SUSD1: variants seen among roughly 807,000 people sequenced by gnomAD.
SUSD1 encodes sushi domain-containing protein 1.
SUSD1 carries 65 observed loss-of-function variants against 86.9 expected under a neutral mutation model. The observed-to-expected ratio is 0.75, with a 90% CI of 0.61 to 0.92. SUSD1 has a LOEUF of 0.92. Ranked by LOEUF, SUSD1 falls within the 40% of genes least tolerant of loss-of-function variation. The pLI is 0.00. For synonymous variants in SUSD1, 346 were observed against 350.0 expected (o/e 0.99, Z 0.13); for missense variants, 850 against 929.7 (o/e 0.91, Z 1.11).
In SUSD1 at chr9:112,058,622, C is replaced by A. The variant is rs377416608; in HGVS notation, c.1915G>T (p.Ala639Ser). The A allele has an allele frequency of 4.3e-6, 7 of 1,614,120 alleles. No individual in the cohort carries two copies. The Middle Eastern group carries it at 4.9e-4, about 114-fold the overall frequency. Residue 639 changes from alanine (A) to serine (S), a missense_variant, in exon 14 of 17, where the codon GCT (alanine) becomes TCT (serine). By Grantham distance (99) the Ala-to-Ser change is moderately conservative. Coordinates refer to ENST00000374270, the MANE Select transcript of SUSD1 (RefSeq NM_022486.5). ...QSTFSCDSEG[A>S]SSFFSNASDA... The stretch of plus-strand genomic sequence containing the variant: ...GAGGCGTTGCTAAAGAAGGAGGAAG[C>A]GCCTTCAGAATCACAAGAAAATGTG...
At chr9:112,173,932 G>C (rs544822235) in intron 1 of SUSD1, 67 of 258,044 alleles carry the variant, frequency 2.6e-4, no homozygotes, top group Non-Finnish European at 7.6e-6. Flanking sequence ...TGCCATTTTC[G>C]GGACTGGTTG....
chr9:112,114,566 G>A (rs7849584), intron 6 of SUSD1, among the ~76,000 whole-genome samples: 19,274 of 152,152 alleles, frequency 0.13, 1,361 homozygotes, highest in Admixed American at 0.17. Context: ...TTGTCCTCAT[G>A]TCACCAAAAA....
At chr9:112,149,130 A>G in intron 3 of SUSD1, 114 bp downstream of exon 3, 1 of 1,397,688 alleles carries the variant, frequency 7.2e-7, no homozygotes, top group Non-Finnish European at 9.9e-7. Context: ...ATACCACAAT[A>G]CCATTATGCC....
chr9:112,086,566 GAGA>G (rs1829993075), intron 10 of SUSD1, among the ~76,000 whole-genome samples: 1 of 137,090 alleles, frequency 7.3e-6, no homozygotes, highest in Non-Finnish European at 1.6e-5. Context: ...AAGAAAGAGA[GAGA>G]GAGAGAGAGA....
At position 112,063,020 on chromosome 9, in the gene SUSD1, C is replaced by T. The variant is rs746546294; in HGVS notation, c.1767G>A (p.Pro589=). The change falls in exon 13 of 17, where the codon CCG becomes CCA. Residue 589 remains proline, a synonymous_variant. Coordinates refer to ENST00000374270, the MANE Select transcript of SUSD1 (RefSeq NM_022486.5). ...LTTQITEPPL[P]EVEFFTVHRG... is the part of the protein sequence containing the mutation. ...TGTGCACCGTAAAAAATTCTACTTC[C>T]GGGAGGGGAGGCTCTGAAAACATGT... 29 of 1,611,464 alleles carry T rather than the reference C, an allele frequency of 1.8e-5. No homozygotes were observed. Among genetic ancestry groups the T allele is most frequent in the Middle Eastern group, 1.6e-4 (1 of 6,078 alleles).
At chr9:112,101,146 G>C (rs913019962) in intron 9 of SUSD1, among the ~76,000 whole-genome samples, 3 of 151,988 alleles carry the variant, frequency 2.0e-5, no homozygotes, top group Non-Finnish European at 4.4e-5. Context: ...TGGATCACTT[G>C]AGGTCAGGAG....
intron 1 of SUSD1, among the ~76,000 whole-genome samples, chr9:112,159,263 C>T (rs1379606989): frequency 6.6e-6 from 1 of 152,180 alleles, no homozygotes. Context: ...GAGAATCTTT[C>T]TAGCATTGAA....
At chr9:112,172,077 T>A (rs1164134189) in intron 1 of SUSD1, among the ~76,000 whole-genome samples, 1 of 151,700 alleles carries the variant, frequency 6.6e-6, no homozygotes, top group African/African-American at 2.4e-5. Flanking sequence ...ATATCTGTAA[T>A]CCCAGCTACT....
At chr9:112,160,599 C>T (rs1256122887) in intron 1 of SUSD1, among the ~76,000 whole-genome samples, 3 of 152,122 alleles carry the variant, frequency 2.0e-5, no homozygotes, top group Admixed American at 6.6e-5. Flanking sequence ...TACAGTGGCT[C>T]ATGCCTGTAA....
At chr9:112,052,589 G>T in intron 14 of SUSD1, 151 bp from the exon 15 acceptor site, 1 of 861,780 alleles carries the variant, frequency 1.2e-6, no homozygotes, top group Non-Finnish European at 1.8e-6. Flanking sequence ...CTAATATCTT[G>T]TGATATCACT....
chr9:112,098,786 T>A, intron 9 of SUSD1, 124 bp from the exon 10 acceptor site: 1 of 885,680 alleles, frequency 1.1e-6, no homozygotes, highest in Non-Finnish European at 1.7e-6. Context: ...CACTTAGAAT[T>A]ACTTTTAAGA....
At chr9:112,088,089 A>G (rs929597991) in intron 10 of SUSD1, among the ~76,000 whole-genome samples, 2 of 152,262 alleles carry the variant, frequency 1.3e-5, no homozygotes, top group Non-Finnish European at 2.9e-5. Flanking sequence ...AAGACACTCA[A>G]ACCAAGAAAG....
At chr9:112,141,575 G>A (rs1380440090) in intron 5 of SUSD1, among the ~76,000 whole-genome samples, 1 of 151,596 alleles carries the variant, frequency 6.6e-6, no homozygotes, top group Non-Finnish European at 1.5e-5. Context: ...TACTCGAGTG[G>A]ATGAGTCATG....
At chr9:112,086,884 A>G (rs73534305) in intron 10 of SUSD1, among the ~76,000 whole-genome samples, 8,436 of 151,982 alleles carry the variant, frequency 0.056, 800 homozygotes, top group African/African-American at 0.19. Flanking sequence ...TCAGTGACAG[A>G]AGAGGGCACT....
chr9:112,140,339 G>A (rs1832507999), intron 5 of SUSD1, among the ~76,000 whole-genome samples: 2 of 79,542 alleles, frequency 2.5e-5, no homozygotes, highest in Non-Finnish European at 2.4e-5. Flanking sequence ...TCCGCAGTCC[G>A]GCCTGGGCGA....
intron 2 of SUSD1, among the ~76,000 whole-genome samples, chr9:112,156,725 G>A (rs949158170): frequency 6.6e-6 from 1 of 151,948 alleles, no homozygotes; most frequent in African/African-American, 2.4e-5. Context: ...TTTTTCTTTA[G>A]GGAGAAAAAA....
chr9:112,126,313 A>G lies in SUSD1; in HGVS notation c.707-1877T>C, dbSNP rs34823087. ...GAGAAGTCTGGGAGGGAACCCAGTG[A>G]CAAGTCATTGGATTAGGAGAGAAGC... On this transcript the variant is annotated intron_variant, in intron 5 of 16. Transcript: ENST00000374270. Among the ~76,000 whole-genome samples, 1,500 of 152,324 alleles carry G rather than the reference A, an allele frequency of 9.8e-3. 55 individuals carry two copies. The highest frequency in any genetic ancestry group is 0.071 in the Admixed American group (1,086 of 15,294).
intron 14 of SUSD1, among the ~76,000 whole-genome samples, chr9:112,055,603 C>T (rs1828412589): frequency 6.6e-6 from 1 of 152,132 alleles, no homozygotes; most frequent in Non-Finnish European, 1.5e-5. Flanking sequence ...TATGGTAGTT[C>T]CTCAAAAAAT....
At chr9:112,133,362 G>A (rs1480700663) in intron 5 of SUSD1, among the ~76,000 whole-genome samples, 2 of 152,154 alleles carry the variant, frequency 1.3e-5, no homozygotes, top group Non-Finnish European at 2.9e-5. Flanking sequence ...CTGGTACATA[G>A]GCCAATAGGC....
Sources: gnomAD v4.1 joint callset for allele counts (sites outside exome capture counted in the v4.1 genomes callset) on GRCh38, gnomAD v4.1.1 for gene constraint, MANE v1.5 for transcripts, NCBI Gene and HGNC (gene_info 2026-07-23, HGNC 2026-07-21) for gene names.